The following ITPR2 variants were observed in gnomAD, a reference collection of about 807,000 sequenced individuals.
ITPR2 encodes inositol 1,4,5-trisphosphate receptor type 2.
ITPR2 carries 207 observed loss-of-function variants against 317.1 expected under a neutral mutation model. The ratio of observed to expected loss-of-function variants is 0.65; its 90% CI spans 0.58 to 0.73. The LOEUF (loss-of-function observed/expected upper bound fraction) is 0.73. Among genes scored for constraint, ITPR2 ranks in the 30% least tolerant of loss-of-function variants. The pLI is 0.00. For synonymous variants in ITPR2, 1,156 were observed against 1,149.1 expected (o/e 1.01, Z -0.12); for missense variants, 2,613 against 3,284.0 (o/e 0.80, Z 4.99).
chr12:26,460,688 T>C (rs1941997119), intron 45 of ITPR2, among the ~76,000 whole-genome samples: 1 of 152,042 alleles, frequency 6.6e-6, no homozygotes, highest in South Asian at 2.1e-4. Flanking sequence ...TAAAAAGCAA[T>C]TGCAGGCCCT....
intron 46 of ITPR2, among the ~76,000 whole-genome samples, chr12:26,442,655 A>G (rs1941512895): frequency 1.3e-5 from 2 of 152,146 alleles, no homozygotes; most frequent in Non-Finnish European, 1.5e-5. Context: ...GGTTCCACTA[A>G]GTCAAGTCCA....
rs1488190486 is a variant in ITPR2 at position 26,359,182 on chromosome 12, T to C, written c.7858-18854A>G. Among the ~76,000 whole-genome samples the C allele has an allele frequency of 3.3e-5, 5 of 152,136 alleles. No homozygotes were observed. In the East Asian group the frequency reaches 9.6e-4, roughly 29 times the overall value. ...TTTCTTTAAATGCTAGCTGAATAAG[T>C]GAAGAAATACAGAGGTCAAAATGGA... On this transcript the variant is annotated intron_variant, in intron 55 of 56. Coordinates refer to ENST00000381340, the MANE Select transcript of ITPR2 (RefSeq NM_002223.4).
In ITPR2 at chr12:26,676,949, T is replaced by C. The variant is rs541951329; in HGVS notation, c.1409+4925A>G. On this transcript the variant is annotated intron_variant, in intron 13 of 56. Coordinates refer to ENST00000381340, the MANE Select transcript of ITPR2 (RefSeq NM_002223.4). ...CAGAACTAAGGTTCTAAACAACTAC[T>C]ACAAGAAAGAAGGGAGGGAGAATGT... Among the ~76,000 whole-genome samples the C allele has an allele frequency of 9.2e-5, 14 of 152,146 alleles. No individual in the cohort carries two copies. In the East Asian group the frequency reaches 1.9e-3, roughly 21 times the overall value.
chr12:26,509,998 GTGT>G (rs1943291488), intron 37 of ITPR2, among the ~76,000 whole-genome samples: 1 of 128,328 alleles, frequency 7.8e-6, no homozygotes, highest in Non-Finnish European at 1.7e-5. Context: ...GTGTGTGTGT[GTGT>G]GTGGTGGGGG....
intron 49 of ITPR2, 95 bp downstream of exon 49, chr12:26,427,818 T>C (rs913681956): frequency 2.9e-5 from 20 of 699,382 alleles, no homozygotes; most frequent in African/African-American, 2.0e-4. Flanking sequence ...GAATTCACCA[T>C]GCATACATGA....
chr12:26,556,594 G>T (rs970436178), intron 35 of ITPR2, among the ~76,000 whole-genome samples: 3 of 149,602 alleles, frequency 2.0e-5, no homozygotes, highest in Non-Finnish European at 4.4e-5. Context: ...GTGTGTGTGT[G>T]TTTTTGTTTA....
intron 49 of ITPR2, among the ~76,000 whole-genome samples, chr12:26,426,477 G>A (rs1385904212): frequency 1.3e-5 from 2 of 152,168 alleles, no homozygotes; most frequent in Non-Finnish European, 2.9e-5. Context: ...GAAACATGGA[G>A]CTGGGAAGGA....
At chr12:26,683,432 T>G (rs1948072300) in intron 11 of ITPR2, among the ~76,000 whole-genome samples, 1 of 152,244 alleles carries the variant, frequency 6.6e-6, no homozygotes, top group African/African-American at 2.4e-5. Flanking sequence ...GGTGTAGAAG[T>G]GCCATCTAGT....
intron 2 of ITPR2, among the ~76,000 whole-genome samples, chr12:26,750,353 C>G (rs547805361): frequency 6.6e-6 from 1 of 152,312 alleles, no homozygotes; most frequent in South Asian, 2.1e-4. Flanking sequence ...TCATGTCACA[C>G]TCACCATGCC....
At chr12:26,504,250 A>G (rs952340811) in intron 37 of ITPR2, among the ~76,000 whole-genome samples, 3 of 152,216 alleles carry the variant, frequency 2.0e-5, no homozygotes, top group African/African-American at 7.2e-5. Flanking sequence ...ATCAGCAACA[A>G]TTGTTCATTA....
At chr12:26,706,854 C>T (rs1948561430) in intron 9 of ITPR2, among the ~76,000 whole-genome samples, 1 of 152,226 alleles carries the variant, frequency 6.6e-6, no homozygotes, top group Non-Finnish European at 1.5e-5. Context: ...ATTCCTTTCA[C>T]AACACCTTCC....
chr12:26,787,276 G>C (rs1378348935), intron 2 of ITPR2, among the ~76,000 whole-genome samples: 1 of 152,214 alleles, frequency 6.6e-6, no homozygotes, highest in East Asian at 1.9e-4. Context: ...TCCTTTTCCA[G>C]TGATGATTGT....
intron 45 of ITPR2, among the ~76,000 whole-genome samples, chr12:26,474,361 A>G (rs1376203203): frequency 6.6e-6 from 1 of 152,264 alleles, no homozygotes; most frequent in South Asian, 2.1e-4. Context: ...GCAAATGCAC[A>G]TTTAAAATGT....
At chr12:26,692,374 C>G (rs554770410) in intron 10 of ITPR2, among the ~76,000 whole-genome samples, 27 of 152,238 alleles carry the variant, frequency 1.8e-4, no homozygotes, top group African/African-American at 6.0e-4. Context: ...AGCCATTGCA[C>G]CACAACAGAG....
chr12:26,353,205 C>A (rs1938536576), intron 55 of ITPR2, among the ~76,000 whole-genome samples: 1 of 152,150 alleles, frequency 6.6e-6, no homozygotes, highest in Non-Finnish European at 1.5e-5. Flanking sequence ...GTTTACTGGG[C>A]TCATGGTTCA....
At chr12:26,641,450 T>TC (rs1946986731) in intron 21 of ITPR2, among the ~76,000 whole-genome samples, 1 of 141,086 alleles carries the variant, frequency 7.1e-6, no homozygotes, top group East Asian at 2.0e-4. Flanking sequence ...CTGTAGGTTT[T>TC]TTTTTTAAAG....
intron 1 of ITPR2, 139 bp from the exon 2 acceptor site, chr12:26,790,366 C>A (rs962265669): frequency 2.0e-5 from 13 of 641,022 alleles, no homozygotes; most frequent in Middle Eastern, 2.5e-4. Flanking sequence ...AATCATGGGT[C>A]TGTAAAAAGA....
At chr12:26,394,638 A>G (rs1222054064) in intron 54 of ITPR2, among the ~76,000 whole-genome samples, 1 of 152,238 alleles carries the variant, frequency 6.6e-6, no homozygotes, top group African/African-American at 2.4e-5. Flanking sequence ...CTTAGATGCC[A>G]GGAAAATTCA....
At chr12:26,393,965 G>T (rs1451990736) in intron 54 of ITPR2, among the ~76,000 whole-genome samples, 2 of 152,110 alleles carry the variant, frequency 1.3e-5, no homozygotes, top group African/African-American at 2.4e-5. Flanking sequence ...CATTCATTAA[G>T]CAAATATTTA....
Sources: gnomAD v4.1 joint callset for allele counts (sites outside exome capture counted in the v4.1 genomes callset) on GRCh38, gnomAD v4.1.1 for gene constraint, MANE v1.5 for transcripts, NCBI Gene and HGNC (gene_info 2026-07-23, HGNC 2026-07-21) for gene names.